The following THSD4 variants were observed in gnomAD, a reference collection of about 807,000 sequenced individuals.
THSD4 encodes thrombospondin type 1 domain containing 4.
In THSD4, 69 loss-of-function variants were observed where a neutral mutation model predicts 119.0. The observed-to-expected ratio is 0.58, with a 90% CI of 0.48 to 0.71. THSD4 has a LOEUF of 0.71. Among genes scored for constraint, THSD4 ranks in the 30% least tolerant of loss-of-function variants. The pLI, the probability that THSD4 is intolerant of heterozygous loss-of-function variation, is 0.00. For missense variants in THSD4, 1,393 were observed against 1,391.1 expected (o/e 1.00, Z -0.02); for synonymous variants, 524 against 540.4 (o/e 0.97, Z 0.42).
chr15:71,409,028 A>C (rs1253860864), intron 6 of THSD4, among the ~76,000 whole-genome samples: 1 of 152,140 alleles, frequency 6.6e-6, no homozygotes, highest in Non-Finnish European at 1.5e-5. Flanking sequence ...AGATCGGAGA[A>C]GGTGGACCCA....
intron 6 of THSD4, among the ~76,000 whole-genome samples, chr15:71,263,331 G>GTATGTATATATATATATATA (rs1555458977): frequency 7.2e-6 from 1 of 138,842 alleles, no homozygotes; most frequent in Admixed American, 7.3e-5. Flanking sequence ...GTATTCCATG[G>GTATGTATATATATATATATA]TATATATATA....
intron 8 of THSD4, among the ~76,000 whole-genome samples, chr15:71,715,279 C>T (rs2052585577): frequency 1.3e-5 from 2 of 152,138 alleles, no homozygotes; most frequent in African/African-American, 4.8e-5. Context: ...ATTAGCAGTC[C>T]GTTTGGTAGT....
chr15:71,376,002 A>G (rs2046131358), intron 6 of THSD4, among the ~76,000 whole-genome samples: 2 of 152,192 alleles, frequency 1.3e-5, no homozygotes. Context: ...ACTAGGCCCT[A>G]CCTGCGACTT....
In THSD4 at chr15:71,123,536, TGAA is replaced by T. The variant is rs556152715; in HGVS notation, c.-80+7843_-80+7845del. Among the ~76,000 whole-genome samples the T allele has an allele frequency of 3.2e-4, 49 of 152,314 alleles. 1 individual carries two copies. In the South Asian group the frequency reaches 9.7e-3, roughly 30 times the overall value. On this transcript the variant is annotated intron_variant, in intron 1 of 17. Coordinates refer to ENST00000261862, the MANE Select transcript of THSD4 (RefSeq NM_024817.3). ...ACTAGAACTTCTTTCTTCTTACAGA[TGAA>T]GAAGGTGTATTCTTGCCTGGGAGTG...
rs189619483 is a variant in THSD4 at position 71,374,704 on chromosome 15, G to T, written c.1016-36983G>T. On this transcript the variant is annotated intron_variant, in intron 6 of 17. Coordinates refer to ENST00000261862, the MANE Select transcript of THSD4 (RefSeq NM_024817.3). ...ATTCTAGGAAAGAAGTTGCTTGCAG[G>T]AATGACCTCAGCCTAATCACTTGAA... Among the ~76,000 whole-genome samples the T allele has an allele frequency of 6.6e-5, 10 of 152,272 alleles. No individual in the cohort carries two copies. The East Asian group carries it at 1.9e-3, about 29-fold the overall frequency.
chr15:71,223,274 C>T (rs1036787875), intron 4 of THSD4, among the ~76,000 whole-genome samples: 1 of 152,248 alleles, frequency 6.6e-6, no homozygotes, highest in Non-Finnish European at 1.5e-5. Context: ...ATGCTCCTTT[C>T]AGACCTGCTT....
chr15:71,197,915 C>T (rs922365562), intron 3 of THSD4, among the ~76,000 whole-genome samples: 2 of 152,058 alleles, frequency 1.3e-5, no homozygotes, highest in Non-Finnish European at 2.9e-5. Flanking sequence ...GGGTTGATGC[C>T]ACAAATGGAA....
intron 4 of THSD4, among the ~76,000 whole-genome samples, chr15:71,238,680 C>T (rs1260816140): frequency 6.6e-6 from 1 of 152,202 alleles, no homozygotes; most frequent in Non-Finnish European, 1.5e-5. Context: ...TGTTTTATTT[C>T]TCTCTACATC....
intron 1 of THSD4, among the ~76,000 whole-genome samples, chr15:71,121,980 T>A (rs2040412683): frequency 1.3e-5 from 2 of 152,138 alleles, no homozygotes; most frequent in South Asian, 4.1e-4. Context: ...AGTTTATTGC[T>A]GGTTGTAAGG....
chr15:71,600,672 C>T (rs1400472978), intron 7 of THSD4, among the ~76,000 whole-genome samples: 1 of 152,132 alleles, frequency 6.6e-6, no homozygotes, highest in African/African-American at 2.4e-5. Context: ...ACATTCTAGA[C>T]ACTACATTCT....
intron 3 of THSD4, among the ~76,000 whole-genome samples, chr15:71,169,380 T>C (rs545800839): frequency 6.6e-6 from 1 of 152,334 alleles, no homozygotes; most frequent in South Asian, 2.1e-4. Context: ...ATCTTAAAGC[T>C]AAACATTGCC....
At chr15:71,440,570 T>C (rs2047075640) in intron 7 of THSD4, among the ~76,000 whole-genome samples, 1 of 152,236 alleles carries the variant, frequency 6.6e-6, no homozygotes. Context: ...AGTCTATGCC[T>C]TATTGCCGTG....
chr15:71,600,222 TCTC>T (rs34591088), intron 7 of THSD4, among the ~76,000 whole-genome samples: 33,205 of 152,058 alleles, frequency 0.22, 4,310 homozygotes, highest in Non-Finnish European at 0.29. Context: ...AAAGTCTTGC[TCTC>T]CTCCTGGAGT....
chr15:71,481,809 A>G (rs1359946368), intron 7 of THSD4, among the ~76,000 whole-genome samples: 1 of 152,252 alleles, frequency 6.6e-6, no homozygotes, highest in Non-Finnish European at 1.5e-5. Flanking sequence ...TTCTGTAGAC[A>G]TTTATGAGAA....
chr15:71,428,203 A>G (rs1298327648), intron 7 of THSD4, among the ~76,000 whole-genome samples: 3 of 152,200 alleles, frequency 2.0e-5, no homozygotes, highest in African/African-American at 7.2e-5. Context: ...TATGGTATAT[A>G]TACAGAGCTA....
chr15:71,557,979 T>C (rs1439417452), intron 7 of THSD4, among the ~76,000 whole-genome samples: 4 of 152,316 alleles, frequency 2.6e-5, no homozygotes, highest in South Asian at 4.1e-4. Context: ...TCAATTCTGC[T>C]CTTTCCGCGG....
At chr15:71,405,400 G>T (rs2140491549) in intron 6 of THSD4, among the ~76,000 whole-genome samples, 1 of 152,286 alleles carries the variant, frequency 6.6e-6, no homozygotes, top group African/African-American at 2.4e-5. Context: ...AGTCCCACTA[G>T]CATGGTAGAT....
At chr15:71,487,428 C>T (rs754303371) in intron 7 of THSD4, among the ~76,000 whole-genome samples, 2 of 152,182 alleles carry the variant, frequency 1.3e-5, no homozygotes, top group Non-Finnish European at 2.9e-5. Context: ...ACAGTGACCA[C>T]TTCCTTGCTA....
chr15:71,168,138 A>G (rs898857161), intron 3 of THSD4, among the ~76,000 whole-genome samples: 11 of 152,228 alleles, frequency 7.2e-5, no homozygotes, highest in Non-Finnish European at 1.2e-4. Flanking sequence ...CATTTTTAAA[A>G]CTTTCTGTGG....
Sources: allele counts gnomAD v4.1 joint callset (sites outside exome capture counted in the v4.1 genomes callset), GRCh38; gene constraint gnomAD v4.1.1; transcripts MANE v1.5; gene names NCBI Gene and HGNC (gene_info 2026-07-23, HGNC 2026-07-21).